MED15: variants seen among roughly 807,000 people sequenced by gnomAD.
MED15 encodes the protein mediator of RNA polymerase II transcription subunit 15.
MED15 carries 41 observed loss-of-function variants against 118.7 expected under a neutral mutation model. The ratio of observed to expected loss-of-function variants is 0.35; its 90% CI spans 0.27 to 0.45. The LOEUF (loss-of-function observed/expected upper bound fraction) is 0.45, where lower values mean the gene tolerates loss of function less well. MED15 is among the 20% of genes least tolerant of loss of function. MED15 has a pLI of 1.00. For synonymous variants in MED15, 436 were observed against 413.9 expected (o/e 1.05, Z -0.65); for missense variants, 740 against 1,025.5 (o/e 0.72, Z 3.80).
intron 13 of MED15, 104 bp downstream of exon 13, chr22:20,583,497 C>T (rs1390152994): frequency 1.5e-5 from 21 of 1,392,296 alleles, no homozygotes; most frequent in Admixed American, 3.5e-5. Context: ...CACCAGGCAG[C>T]TCTTTGGACC....
At position 20,582,860 on chromosome 22, in the gene MED15, C is replaced by T; in HGVS notation, c.1430C>T (p.Pro477Leu). 1 of 1,613,136 alleles carries T rather than the reference C, an allele frequency of 6.2e-7. No homozygotes were observed. The highest frequency in any genetic ancestry group is 1.1e-5 in the South Asian group (1 of 91,064). The change falls in exon 11 of 18, where the codon CCC becomes CTC. Residue 477 changes from proline to leucine, a missense_variant. Physicochemically the swap from Pro to Leu is moderately conservative, Grantham distance 98. Transcript: ENST00000263205. ...SNVSSGPAPS[P>L]SSFLPSPSPQ... ...TGCAGCTCTGGCCCTGCCCCATCTC[C>T]CAGTAGCTTCCTGCCCAGCCCCTCA...
intron 2 of MED15, 149 bp downstream of exon 2, chr22:20,537,353 C>T: frequency 1.6e-6 from 1 of 620,412 alleles, no homozygotes; most frequent in Non-Finnish European, 2.7e-6. Flanking sequence ...GTTTTGCCTG[C>T]AGCAGTCTGG....
chr22:20,562,138 G>A (rs1223804281), intron 5 of MED15, among the ~76,000 whole-genome samples: 1 of 152,044 alleles, frequency 6.6e-6, no homozygotes, highest in East Asian at 1.9e-4. Context: ...TCCAGCCTGG[G>A]TGACAGAGCA....
At chr22:20,584,025 C>T (rs545049606) in intron 13 of MED15, 10 of 364,254 alleles carry the variant, frequency 2.7e-5, no homozygotes, top group Non-Finnish European at 5.1e-5. Context: ...TTGGGTGGTC[C>T]TCCAGGTCTT....
At chr22:20,517,437 C>T (rs2054292483) in intron 1 of MED15, among the ~76,000 whole-genome samples, 1 of 152,220 alleles carries the variant, frequency 6.6e-6, no homozygotes, top group African/African-American at 2.4e-5. Flanking sequence ...GTTTGCCTAC[C>T]TAAAAGATCC....
At chr22:20,571,529 C>T (rs2056662474) in intron 8 of MED15, among the ~76,000 whole-genome samples, 1 of 152,232 alleles carries the variant, frequency 6.6e-6, no homozygotes, top group Admixed American at 6.5e-5. Context: ...AGGTGCTTCT[C>T]AGTCCAGATG....
intron 3 of MED15, among the ~76,000 whole-genome samples, chr22:20,552,080 G>A (rs1075339): frequency 0.017 from 2,594 of 152,268 alleles, 43 homozygotes; most frequent in Middle Eastern, 0.027. Context: ...CAGGGTCTTC[G>A]TGCTTGTGTG....
intron 4 of MED15, 35 bp from the exon 5 acceptor site, chr22:20,554,901 C>G: frequency 1.3e-6 from 2 of 1,564,468 alleles, no homozygotes; most frequent in Non-Finnish European, 1.7e-6. Context: ...CTGGTAGGCC[C>G]TTTCCTGAGA....
intron 2 of MED15, among the ~76,000 whole-genome samples, chr22:20,549,377 C>T (rs1469618326): frequency 6.6e-6 from 1 of 151,974 alleles, no homozygotes; most frequent in Non-Finnish European, 1.5e-5. Context: ...AGTTTCCTGA[C>T]TCTTTAGCCC....
At chr22:20,583,491 A>G (rs2057048938) in intron 13 of MED15, 98 bp downstream of exon 13, 4 of 1,458,674 alleles carry the variant, frequency 2.7e-6, no homozygotes, top group Non-Finnish European at 3.8e-6. Flanking sequence ...CAAAGGCACC[A>G]GGCAGCTCTT....
intron 1 of MED15, among the ~76,000 whole-genome samples, chr22:20,535,381 A>G (rs2055025929): frequency 6.6e-6 from 1 of 152,126 alleles, no homozygotes; most frequent in Admixed American, 6.6e-5. Context: ...TTTAAGAATC[A>G]CAGTCATATT....
At chr22:20,527,275 C>T (rs1361902963) in intron 1 of MED15, among the ~76,000 whole-genome samples, 2 of 152,220 alleles carry the variant, frequency 1.3e-5, no homozygotes, top group Admixed American at 6.5e-5. Context: ...TTTAGCTCTC[C>T]TCTCTAAGTG....
intron 12 of MED15, 38 bp from the exon 13 acceptor site, chr22:20,583,292 C>CA (rs1057108722): frequency 3.1e-6 from 5 of 1,613,540 alleles, no homozygotes; most frequent in Middle Eastern, 1.7e-4. Context: ...GGGACACCAC[C>CA]AGGCTTGTGT....
chr22:20,541,621 C>G (rs1179889542), intron 2 of MED15, among the ~76,000 whole-genome samples: 1 of 147,780 alleles, frequency 6.8e-6, no homozygotes, highest in Non-Finnish European at 1.5e-5. Flanking sequence ...GTAGCTGGGA[C>G]TATAGGCACA....
intron 2 of MED15, 45 bp downstream of exon 2, chr22:20,537,249 G>C: frequency 6.4e-7 from 1 of 1,563,184 alleles, no homozygotes; most frequent in Non-Finnish European, 8.8e-7. Flanking sequence ...GAGACTTGGA[G>C]AGGAGAGCAT....
intron 1 of MED15, among the ~76,000 whole-genome samples, chr22:20,513,032 G>A (rs1296669097): frequency 5.9e-5 from 9 of 151,662 alleles, no homozygotes; most frequent in Middle Eastern, 3.2e-3. Flanking sequence ...GAGCCACCAC[G>A]CCCGGCCGGG....
intron 8 of MED15, among the ~76,000 whole-genome samples, chr22:20,570,773 T>TTTTTTTTTTA (rs1443415860): frequency 1.5e-5 from 2 of 134,574 alleles, no homozygotes; most frequent in African/African-American, 5.8e-5. Flanking sequence ...TTTTTTTTTT[T>TTTTTTTTTTA]TTTGACAGAG....
At chr22:20,537,462 C>T (rs928775923) in intron 2 of MED15, among the ~76,000 whole-genome samples, 1 of 152,176 alleles carries the variant, frequency 6.6e-6, no homozygotes, top group Admixed American at 6.5e-5. Flanking sequence ...TGTGGTCAGC[C>T]CCTGTGAATC....
intron 1 of MED15, among the ~76,000 whole-genome samples, chr22:20,525,706 T>C (rs2054618300): frequency 6.6e-6 from 1 of 151,534 alleles, no homozygotes; most frequent in South Asian, 2.1e-4. Flanking sequence ...CTGGCTAATT[T>C]TGTATTTTTA....
Sources: allele counts gnomAD v4.1 joint callset (sites outside exome capture counted in the v4.1 genomes callset), GRCh38; gene constraint gnomAD v4.1.1; transcripts MANE v1.5; gene names NCBI Gene and HGNC (gene_info 2026-07-23, HGNC 2026-07-21).